ITGAL: variants seen among roughly 807,000 people sequenced by gnomAD.
ITGAL encodes the protein integrin subunit alpha L.
Under a neutral mutation model 138.4 loss-of-function variants are expected in ITGAL, and 68 were observed. That is an observed-to-expected ratio of 0.49 (90% CI 0.40 to 0.60). The LOEUF (loss-of-function observed/expected upper bound fraction) is 0.60, where lower values mean the gene tolerates loss of function less well. Among genes scored for constraint, ITGAL ranks in the 20% least tolerant of loss-of-function variants. ITGAL has a pLI of 0.00. For synonymous variants in ITGAL, 561 were observed against 584.3 expected (o/e 0.96, Z 0.57); for missense variants, 1,256 against 1,478.6 (o/e 0.85, Z 2.47).
chr16:30,515,106 T>C, intron 25 of ITGAL, among the ~76,000 whole-genome samples: 1 of 152,200 alleles, frequency 6.6e-6, no homozygotes. Context: ...ATTACAGGCG[T>C]GAGCCACTGT....
At chr16:30,520,022 G>C in intron 30 of ITGAL, 55 bp downstream of exon 30, 1 of 1,298,292 alleles carries the variant, frequency 7.7e-7, no homozygotes, top group Non-Finnish European at 1.1e-6. Flanking sequence ...TGGGGAAGGG[G>C]ATCTGGTGGG....
At chr16:30,476,234 G>A (rs1299125365) in intron 4 of ITGAL, among the ~76,000 whole-genome samples, 1 of 151,400 alleles carries the variant, frequency 6.6e-6, no homozygotes, top group African/African-American at 2.4e-5. Context: ...CTGGGCGGCA[G>A]AGTGAAATTC....
chr16:30,520,035 C>G (rs2051229997), intron 30 of ITGAL, 68 bp downstream of exon 30: 1 of 1,203,488 alleles, frequency 8.3e-7, no homozygotes, highest in South Asian at 1.2e-5. Context: ...CTGGTGGGAG[C>G]CAGGGAGGAG....
intron 17 of ITGAL, among the ~76,000 whole-genome samples, chr16:30,501,735 A>T (rs1465832392): frequency 2.0e-5 from 3 of 152,164 alleles, no homozygotes; most frequent in Non-Finnish European, 4.4e-5. Context: ...TGGAAAAAAA[A>T]AGTTTTTAAA....
intron 9 of ITGAL, among the ~76,000 whole-genome samples, chr16:30,487,137 C>T (rs1473237234): frequency 5.2e-5 from 7 of 133,484 alleles, no homozygotes; most frequent in Non-Finnish European, 7.8e-5. Context: ...AGTGAGACTC[C>T]GTCTCAAAAA....
intron 7 of ITGAL, among the ~76,000 whole-genome samples, chr16:30,482,098 T>C (rs2050570395): frequency 6.6e-6 from 1 of 152,002 alleles, no homozygotes; most frequent in Non-Finnish European, 1.5e-5. Flanking sequence ...TTTCACCATG[T>C]TGGCCAGGCT....
chr16:30,515,548 C>T (rs2051154243), intron 25 of ITGAL, among the ~76,000 whole-genome samples: 1 of 152,198 alleles, frequency 6.6e-6, no homozygotes, highest in African/African-American at 2.4e-5. Flanking sequence ...TCTTGGGCTT[C>T]CTTTCCAGCC....
At chr16:30,505,164 C>A in intron 18 of ITGAL, 80 bp from the exon 19 acceptor site, 1 of 1,359,470 alleles carries the variant, frequency 7.4e-7, no homozygotes, top group Non-Finnish European at 9.9e-7. Flanking sequence ...TAAGCCCCTG[C>A]CCCTCCAGCT....
chr16:30,499,398 G>A lies in ITGAL; in HGVS notation c.2054G>A (p.Arg685Gln), dbSNP rs753431963. The A allele has an allele frequency of 1.1e-5, 18 of 1,613,982 alleles. No homozygotes were observed. The highest frequency in any genetic ancestry group is 2.2e-5 in the East Asian group (1 of 44,876). Residue 685 changes from arginine to glutamine, a missense_variant, in exon 17 of 31, where the codon CGG (arginine) becomes CAG (glutamine). Physicochemically the swap from Arg to Gln is conservative, Grantham distance 43. Coordinates refer to ENST00000356798, the MANE Select transcript of ITGAL (RefSeq NM_002209.3). ...LQLDGHRTRR[R>Q]GLFPGGRHEL... ...CTGGATGGCCACCGGACCAGAAGAC[G>A]GGGGTTGTTCCCAGGAGGGAGACAT...
chr16:30,493,663 G>T (rs2050758728), intron 11 of ITGAL, among the ~76,000 whole-genome samples: 1 of 152,136 alleles, frequency 6.6e-6, no homozygotes, highest in South Asian at 2.1e-4. Flanking sequence ...GCTGAGGTGG[G>T]TGGATCACCT....
Position 30,494,238 on chromosome 16 carries a change from C to T in ITGAL, c.1240C>T (p.Arg414Trp), listed in dbSNP as rs551557846. ...LGYTVTWLPS[R>W]QKTSLLASGA... ...TTACACCGTGACCTGGCTGCCCTCC[C>T]GGCAAAAGACTTCGTTGCTGGCCTC... The change falls in exon 12 of 31, where the codon CGG becomes TGG. Residue 414 changes from arginine to tryptophan, a missense_variant. This residue lies in a region of ITGAL where 867 missense variants were observed against 972.5 expected (regional missense o/e 0.89). Coordinates refer to ENST00000356798, the MANE Select transcript of ITGAL (RefSeq NM_002209.3). The surrounding 1 kb of genome is among the most constrained non-coding windows in gnomAD (Gnocchi z 4.2). 84 of 1,611,412 alleles carry T rather than the reference C, an allele frequency of 5.2e-5. 2 individuals carry two copies. The South Asian group carries it at 6.9e-4, about 13-fold the overall frequency.
intron 25 of ITGAL, among the ~76,000 whole-genome samples, chr16:30,514,831 T>C (rs1335145226): frequency 2.0e-5 from 3 of 150,848 alleles, no homozygotes; most frequent in African/African-American, 4.8e-5. Flanking sequence ...TTTTCTTTTT[T>C]TTTTTTTTTT....
rs544442781 is a variant in ITGAL at position 30,475,624 on chromosome 16, A to G, written c.327+44A>G. 3.9e-5 allele frequency: 54 copies of G among 1,397,022 alleles called. 1 individual carries two copies. In the South Asian group the frequency reaches 5.1e-4, roughly 13 times the overall value. 86.5% of individuals were successfully genotyped at this position (1,397,022 alleles called of 1,614,324 possible). On this transcript the variant is annotated intron_variant, in intron 4 of 30. Coordinates refer to ENST00000356798, the MANE Select transcript of ITGAL (RefSeq NM_002209.3). ...GGTGTTATCAGAGCCTGTGAAGCTC[A>G]ATTCAAGTAATGAGAGAAGAAAAGA...
intron 15 of ITGAL, among the ~76,000 whole-genome samples, chr16:30,498,115 A>G (rs1024555868): frequency 2.0e-5 from 3 of 151,876 alleles, no homozygotes; most frequent in Non-Finnish European, 4.4e-5. Context: ...GGGCTTAGTC[A>G]GGAGTTCAAG....
chr16:30,475,735 T>C (rs934211023), intron 4 of ITGAL, among the ~76,000 whole-genome samples, 155 bp downstream of exon 4: 3 of 87,526 alleles, frequency 3.4e-5, no homozygotes, highest in Non-Finnish European at 7.0e-5. Context: ...TGAACCAGCC[T>C]TTTTTTTTTT....
rs200755022 is a variant in ITGAL, at chr16:30,510,966, C to T, written c.2699+6C>T. ...TTGCACGCCAATGTGACCTGGTGAG[C>T]AGGCCCCGCCCACATCCCTGCCATG... is the stretch of plus-strand genomic sequence containing the variant. On this transcript the variant is annotated splice_donor_region_variant and intron_variant, in intron 23 of 30. Coordinates refer to ENST00000356798, the MANE Select transcript of ITGAL (RefSeq NM_002209.3). 244 of 1,613,876 alleles carry T rather than the reference C, an allele frequency of 1.5e-4. No individual in the cohort carries two copies. The African/African-American group carries it at 2.7e-3, about 18-fold the overall frequency.
chr16:30,498,556 G>A (rs2050837931), intron 15 of ITGAL, among the ~76,000 whole-genome samples: 1 of 152,150 alleles, frequency 6.6e-6, no homozygotes, highest in South Asian at 2.1e-4. Flanking sequence ...TCTTCTTCAT[G>A]GAAAATGGGT....
chr16:30,502,099 A>C (rs1309108884), intron 17 of ITGAL, among the ~76,000 whole-genome samples: 1 of 152,162 alleles, frequency 6.6e-6, no homozygotes, highest in Non-Finnish European at 1.5e-5. Context: ...AATCCTGTAT[A>C]AAAATGGGAT....
At chr16:30,512,296 A>G (rs555462682) in intron 24 of ITGAL, among the ~76,000 whole-genome samples, 2 of 152,272 alleles carry the variant, frequency 1.3e-5, no homozygotes, top group Non-Finnish European at 2.9e-5. Flanking sequence ...CTTATAGAAA[A>G]GGAAACTTGG....
Sources: allele counts gnomAD v4.1 joint callset (sites outside exome capture counted in the v4.1 genomes callset), GRCh38; gene constraint gnomAD v4.1.1; regional missense constraint gnomAD v4.1.1; non-coding constraint Gnocchi (gnomAD v3.1); transcripts MANE v1.5; gene names NCBI Gene and HGNC (gene_info 2026-07-23, HGNC 2026-07-21).